Variants in GRM5 observed in about 807,000 individuals in gnomAD.
GRM5 encodes the protein metabotropic glutamate receptor 5.
A neutral mutation model predicts 83.1 loss-of-function variants in GRM5; 19 were observed. The observed-to-expected ratio is 0.23, with a 90% CI of 0.16 to 0.34. The LOEUF is 0.34. Ranked by LOEUF, GRM5 falls within the 10% of genes least tolerant of loss-of-function variation. GRM5 has a pLI of 1.00. For missense variants in GRM5, 1,160 were observed against 1,588.3 expected, an observed-to-expected ratio of 0.73 and a Z score of 4.58; for synonymous variants, 675 against 633.6, an observed-to-expected ratio of 1.07 and a Z score of -0.98.
intron 2 of GRM5, among the ~76,000 whole-genome samples, chr11:89,031,844 A>C (rs1480879867): frequency 6.6e-6 from 1 of 151,970 alleles, no homozygotes; most frequent in Non-Finnish European, 1.5e-5. Context: ...CACTTAATAC[A>C]TATAGTTTAA....
intron 4 of GRM5, among the ~76,000 whole-genome samples, chr11:88,613,322 G>A (rs567326126): frequency 3.5e-4 from 53 of 152,246 alleles, no homozygotes; most frequent in African/African-American, 1.3e-3. Flanking sequence ...AGATTATTGT[G>A]TAGCTTCCTA....
In GRM5 at chr11:88,534,791, T is replaced by C. The variant is rs1942097697; in HGVS notation, c.2631-9387A>G. On this transcript the variant is annotated intron_variant, in intron 8 of 9. Coordinates refer to ENST00000305447, the MANE Select transcript of GRM5 (RefSeq NM_001143831.3). ...TCCCCACACAAATTTCATCTTCACT[T>C]GTACTCCCATGATTCCCATGTGTTG... Among the ~76,000 whole-genome samples, 3 of 152,330 alleles carry C rather than the reference T, an allele frequency of 2.0e-5. No individual in the cohort carries two copies. In the South Asian group the frequency reaches 6.2e-4, roughly 32 times the overall value.
In GRM5 at chr11:88,589,069, C is replaced by T. The variant is rs11020535; in HGVS notation, c.1690+1532G>A. Among the ~76,000 whole-genome samples, 874 of 152,216 alleles carry T rather than the reference C, an allele frequency of 5.7e-3. 7 individuals carry two copies. Among genetic ancestry groups the T allele is most frequent in the Non-Finnish European group, 7.3e-3 (497 of 67,988 alleles). On this transcript the variant is annotated intron_variant, in intron 7 of 9. Transcript: ENST00000305447. ...TATATTCATTCACAAGGTGCTTAGC[C>T]ATGCAAGTTAGTTGACGATGCAAGA... is the stretch of plus-strand genomic sequence containing the variant.
chr11:88,824,151 T>C (rs1224583746), intron 3 of GRM5, among the ~76,000 whole-genome samples: 1 of 152,216 alleles, frequency 6.6e-6, no homozygotes, highest in African/African-American at 2.4e-5. Flanking sequence ...AAGGGCAATG[T>C]TTCTTTATTC....
chr11:88,744,641 C>A (rs948651491), intron 3 of GRM5, among the ~76,000 whole-genome samples: 4 of 152,054 alleles, frequency 2.6e-5, no homozygotes, highest in African/African-American at 9.7e-5. Context: ...CGCTTCACAG[C>A]AGAAATGGTA....
At position 88,507,084 on chromosome 11, in the gene GRM5, A is replaced by G. The variant is rs1941200564; in HGVS notation, c.*1508T>C. ...CTGCAATGGGAGGAAGAAAGAGATG[A>G]CAGTGGATTCAGGTCTTGAACTATG... On this transcript the variant is annotated 3_prime_UTR_variant, in exon 10 of 10. Coordinates refer to ENST00000305447, the MANE Select transcript of GRM5 (RefSeq NM_001143831.3). 6.6e-6 allele frequency: 1 copy of G among 152,194 alleles called. No individual in the cohort carries two copies. Among genetic ancestry groups the G allele is most frequent in the Admixed American group, 6.5e-5 (1 of 15,282 alleles). The allele number at this position is 152,194 out of a possible 1,614,324, so 9.4% of individuals were successfully genotyped here.
At chr11:88,961,410 A>T (rs1313463294) in intron 2 of GRM5, among the ~76,000 whole-genome samples, 8 of 151,744 alleles carry the variant, frequency 5.3e-5, no homozygotes, top group Non-Finnish European at 8.8e-5. Flanking sequence ...ACCCAAAGAG[A>T]CACAGCAGCC....
At chr11:88,863,345 G>C (rs1944601838) in intron 2 of GRM5, among the ~76,000 whole-genome samples, 1 of 151,528 alleles carries the variant, frequency 6.6e-6, no homozygotes, top group Admixed American at 6.6e-5. Context: ...CAATAGTAAA[G>C]ACATGGAATC....
At chr11:88,616,453 T>G (rs1938489606) in intron 4 of GRM5, among the ~76,000 whole-genome samples, 2 of 151,270 alleles carry the variant, frequency 1.3e-5, no homozygotes, top group Admixed American at 6.6e-5. Context: ...ATTAAAAATT[T>G]TTTACTTTGC....
At chr11:88,655,635 T>A (rs887261227) in intron 3 of GRM5, among the ~76,000 whole-genome samples, 3 of 151,660 alleles carry the variant, frequency 2.0e-5, no homozygotes, top group African/African-American at 7.3e-5. Flanking sequence ...AGGATGAGAG[T>A]GATAATTTAC....
chr11:88,618,822 T>A (rs974389812), intron 4 of GRM5, among the ~76,000 whole-genome samples: 1 of 152,200 alleles, frequency 6.6e-6, no homozygotes, highest in Admixed American at 6.5e-5. Context: ...CATTCAGTAG[T>A]ATTTACTTTG....
At chr11:88,971,755 C>T (rs535950106) in intron 2 of GRM5, among the ~76,000 whole-genome samples, 2 of 152,044 alleles carry the variant, frequency 1.3e-5, no homozygotes, top group South Asian at 4.2e-4. Context: ...TTTTATCTGA[C>T]TCTCTTTAGA....
chr11:89,062,821 C>CG (rs1942021502), intron 1 of GRM5, among the ~76,000 whole-genome samples: 1 of 152,268 alleles, frequency 6.6e-6, no homozygotes, highest in African/African-American at 2.4e-5. Context: ...TCCGCACTCA[C>CG]GGGCCTGCCC....
Position 89,048,061 on chromosome 11 carries a change from G to C in GRM5, c.-189C>G, listed in dbSNP as rs1941681195. The C allele has an allele frequency of 1.8e-6, 1 of 557,422 alleles. No homozygotes were observed. The highest frequency in any genetic ancestry group is 3.2e-6 in the Non-Finnish European group (1 of 314,186). The allele number at this position is 557,422 out of a possible 1,614,324, so 34.5% of individuals were successfully genotyped here. On this transcript the variant is annotated 5_prime_UTR_variant, in exon 2 of 10. It adds an upstream start codon to the 5' untranslated region. Transcript: ENST00000305447. ...TTAGTTAGATGATCCATGTGGTCAT[G>C]ATCTTCTAAACCTGAAAAAAAAAAA...
intron 2 of GRM5, among the ~76,000 whole-genome samples, chr11:88,937,724 G>C (rs1294666245): frequency 6.6e-6 from 1 of 151,486 alleles, no homozygotes; most frequent in Non-Finnish European, 1.5e-5. Context: ...AAATTTTAAA[G>C]CAAATTCAGT....
At chr11:88,873,010 AG>A (rs374642375) in intron 2 of GRM5, among the ~76,000 whole-genome samples, 1 of 151,652 alleles carries the variant, frequency 6.6e-6, no homozygotes, top group African/African-American at 2.4e-5. Flanking sequence ...AAGTGAAGTA[AG>A]GAATGAAAAA....
intron 5 of GRM5, among the ~76,000 whole-genome samples, chr11:88,598,931 T>C (rs1023213241): frequency 3.9e-5 from 6 of 152,222 alleles, no homozygotes; most frequent in African/African-American, 1.4e-4. Context: ...GATAATGGAC[T>C]GAAGCTCAGT....
chr11:88,508,692 G>C lies in GRM5; in HGVS notation c.3539C>G (p.Pro1180Arg). ...GGCCGACTCGGACACTGGCGAGTTG[G>C]GGGTTGTGCTCCCCGAGTCCACCGA... ...RDSVDSGSTT[P>R]NSPVSESALC... The change falls in exon 10 of 10, where the codon CCC (proline) becomes CGC (arginine). Residue 1180 changes from proline (P) to arginine (R), a missense_variant. Physicochemically the swap from Pro to Arg is moderately radical, Grantham distance 103. Transcript: ENST00000305447. This position sits in a 1 kb window ranked among gnomAD's most constrained non-coding sequence, Gnocchi z 4.2. 1 of 1,606,118 alleles carries C rather than the reference G, an allele frequency of 6.2e-7. No homozygotes were observed. Among genetic ancestry groups the C allele is most frequent in the South Asian group, 1.1e-5 (1 of 90,908 alleles).
At chr11:88,956,801 G>A (rs1938631921) in intron 2 of GRM5, among the ~76,000 whole-genome samples, 1 of 152,082 alleles carries the variant, frequency 6.6e-6, no homozygotes. Flanking sequence ...ATGAGACTCC[G>A]TCAAAAGAAA....
Sources: gnomAD v4.1 joint callset for allele counts (sites outside exome capture counted in the v4.1 genomes callset) on GRCh38, gnomAD v4.1.1 for gene constraint, Gnocchi (gnomAD v3.1) non-coding constraint, MANE v1.5 for transcripts, NCBI Gene and HGNC (gene_info 2026-07-23, HGNC 2026-07-21) for gene names.